NTN1: variants seen among roughly 807,000 people sequenced by gnomAD.
NTN1 encodes the protein netrin 1.
Under a neutral mutation model 54.2 loss-of-function variants are expected in NTN1, and 11 were observed. The observed-to-expected ratio is 0.20, with a 90% CI of 0.13 to 0.34. NTN1 has a LOEUF of 0.34. NTN1 is among the 10% of genes least tolerant of loss of function. The probability of loss-of-function intolerance (pLI) is 1.00; values close to 1 mark genes in which losing one functional copy is unlikely to be tolerated. For missense variants in NTN1, 740 were observed against 893.1 expected, an observed-to-expected ratio of 0.83 and a Z score of 2.18; for synonymous variants, 371 against 382.0, an observed-to-expected ratio of 0.97 and a Z score of 0.33.
At chr17:9,106,449 TTTCCTTCCTTCCTTCCTCCCTTCCTTCC>T (rs1205323488) in intron 2 of NTN1, among the ~76,000 whole-genome samples, 249 of 149,468 alleles carry the variant, frequency 1.7e-3, no homozygotes, top group African/African-American at 4.1e-3. Flanking sequence ...CAAAATGGCA[TTTCCTTCCTTCCTTCCTCCCTTCCTTCC>T]TTCCTTCCTT....
At chr17:9,056,416 G>A (rs1349816624) in intron 2 of NTN1, among the ~76,000 whole-genome samples, 1 of 152,196 alleles carries the variant, frequency 6.6e-6, no homozygotes, top group Non-Finnish European at 1.5e-5. Context: ...ACGGTGAGGA[G>A]TTAGATTTAA....
intron 2 of NTN1, among the ~76,000 whole-genome samples, chr17:9,024,500 A>G (rs1462178566): frequency 1.3e-5 from 2 of 152,184 alleles, no homozygotes; most frequent in Non-Finnish European, 2.9e-5. Context: ...GAGGCTCTTC[A>G]ATTGCTTTGC....
intron 2 of NTN1, among the ~76,000 whole-genome samples, chr17:9,155,532 G>A (rs2092339193): frequency 6.6e-6 from 1 of 151,906 alleles, no homozygotes; most frequent in Non-Finnish European, 1.5e-5. Context: ...GTAGAGACGG[G>A]GTTTCTCCAT....
the NTN1 span, among the ~76,000 whole-genome samples, chr17:9,003,164 C>T: frequency 6.6e-6 from 1 of 152,104 alleles, no homozygotes; most frequent in Non-Finnish European, 1.5e-5. The surrounding 1 kb of genome is among the most constrained non-coding windows in gnomAD (Gnocchi z 7.4). Flanking sequence ...ACCCGCGGAT[C>T]CCGAGTCGCG....
At chr17:9,074,638 C>A (rs1597478426) in intron 2 of NTN1, among the ~76,000 whole-genome samples, 1 of 152,190 alleles carries the variant, frequency 6.6e-6, no homozygotes, top group East Asian at 1.9e-4. Context: ...TTCCACTGGC[C>A]TGGAGGGCCC....
At chr17:9,073,287 G>T (rs950973896) in intron 2 of NTN1, among the ~76,000 whole-genome samples, 1 of 152,216 alleles carries the variant, frequency 6.6e-6, no homozygotes, top group African/African-American at 2.4e-5. Flanking sequence ...GCGGGTGAAG[G>T]TGGGTGCAAG....
chr17:9,162,288 T>C (rs569992517), intron 2 of NTN1, among the ~76,000 whole-genome samples: 20 of 152,282 alleles, frequency 1.3e-4, no homozygotes, highest in Non-Finnish European at 2.1e-4. Context: ...GGCTGGGGGC[T>C]GAAACGCTAG....
intron 2 of NTN1, among the ~76,000 whole-genome samples, chr17:9,123,449 T>C (rs1397695885): frequency 6.6e-6 from 1 of 152,256 alleles, no homozygotes; most frequent in Non-Finnish European, 1.5e-5. Context: ...CTTTTTAAAA[T>C]GTATGGTGCT....
rs531042044 is a variant in NTN1, at chr17:9,074,276, G to A, written c.1018+50885G>A. On this transcript the variant is annotated intron_variant, in intron 2 of 6. Transcript: ENST00000173229. ...TCTGAGGAATTAGGGATGGGACGCG[G>A]CCAGCCCGCTCTGGTTGGAGCTTGG... Among the ~76,000 whole-genome samples the A allele has an allele frequency of 2.0e-5, 3 of 152,352 alleles. 1 individual carries two copies. The highest frequency in any genetic ancestry group is 2.0e-4 in the Admixed American group (3 of 15,304).
chr17:9,082,885 A>C (rs2092076591), intron 2 of NTN1, among the ~76,000 whole-genome samples: 1 of 152,134 alleles, frequency 6.6e-6, no homozygotes, highest in African/African-American at 2.4e-5. Flanking sequence ...TTATATTATC[A>C]GTGAGACTCA....
At chr17:9,084,338 G>A (rs1290095002) in intron 2 of NTN1, among the ~76,000 whole-genome samples, 2 of 152,152 alleles carry the variant, frequency 1.3e-5, no homozygotes, top group Non-Finnish European at 2.9e-5. Context: ...TTCCATGAAC[G>A]TGCAGGATGA....
At chr17:9,103,015 G>C (rs1237787962) in intron 2 of NTN1, among the ~76,000 whole-genome samples, 1 of 152,216 alleles carries the variant, frequency 6.6e-6, no homozygotes, top group Non-Finnish European at 1.5e-5. Flanking sequence ...GATGGTGAGT[G>C]TGGGGGGATA....
chr17:9,163,104 A>T, intron 3 of NTN1, 103 bp downstream of exon 3: 2 of 1,201,436 alleles, frequency 1.7e-6, no homozygotes, highest in Non-Finnish European at 2.3e-6. Flanking sequence ...GTCTGTACAA[A>T]TTGGCGTTGT....
chr17:9,151,614 C>A (rs1330861253), intron 2 of NTN1, among the ~76,000 whole-genome samples: 1 of 152,084 alleles, frequency 6.6e-6, no homozygotes, highest in Non-Finnish European at 1.5e-5. Flanking sequence ...CAAATTGGAC[C>A]CTAAAAACTA....
At chr17:9,171,146 G>A (rs979443466) in intron 3 of NTN1, 2 of 152,226 alleles carry the variant, frequency 1.3e-5, no homozygotes, top group African/African-American at 4.8e-5. Context: ...TAGCTTCAGA[G>A]GAGGTTGACA....
chr17:9,178,667 G>A (rs1433037263), intron 3 of NTN1, among the ~76,000 whole-genome samples: 1 of 152,192 alleles, frequency 6.6e-6, no homozygotes, highest in Admixed American at 6.5e-5. Flanking sequence ...GCAGCCACGA[G>A]GGGACACCTG....
intron 5 of NTN1, among the ~76,000 whole-genome samples, chr17:9,216,198 T>C (rs1314960771): frequency 6.6e-6 from 1 of 152,250 alleles, no homozygotes; most frequent in Admixed American, 6.5e-5. Flanking sequence ...CCTCAAGCGA[T>C]CTTCCTGCCT....
At chr17:9,172,322 T>C (rs1023667730) in intron 3 of NTN1, among the ~76,000 whole-genome samples, 1 of 151,118 alleles carries the variant, frequency 6.6e-6, no homozygotes, top group Admixed American at 6.6e-5. Flanking sequence ...ATAGTGAAAA[T>C]ACAAAAAATT....
chr17:9,030,107 G>A (rs774309096), intron 2 of NTN1, among the ~76,000 whole-genome samples: 25 of 152,304 alleles, frequency 1.6e-4, no homozygotes, highest in Non-Finnish European at 2.9e-4. Context: ...CCCCTCTGAT[G>A]GAGAGAAGGG....
Sources: allele counts gnomAD v4.1 joint callset (sites outside exome capture counted in the v4.1 genomes callset), GRCh38; gene constraint gnomAD v4.1.1; non-coding constraint Gnocchi (gnomAD v3.1); transcripts MANE v1.5; gene names NCBI Gene and HGNC (gene_info 2026-07-23, HGNC 2026-07-21).